DRGX: variants seen among roughly 807,000 people sequenced by gnomAD.
DRGX encodes the protein dorsal root ganglia homeobox.
A neutral mutation model predicts 28.6 loss-of-function variants in DRGX; 21 were observed. That is an observed-to-expected ratio of 0.73 (90% CI 0.52 to 1.06). The LOEUF (loss-of-function observed/expected upper bound fraction) is 1.06. Among genes scored for constraint, DRGX ranks in the 50% least tolerant of loss-of-function variants. The pLI is 0.00. For synonymous variants in DRGX, 136 were observed against 139.1 expected, an observed-to-expected ratio of 0.98 and a Z score of 0.16; for missense variants, 354 against 343.9, an observed-to-expected ratio of 1.03 and a Z score of -0.23.
At chr10:49,367,480 G>A (rs1849613381) in intron 6 of DRGX, among the ~76,000 whole-genome samples, 2 of 152,142 alleles carry the variant, frequency 1.3e-5, no homozygotes, top group South Asian at 4.2e-4. Context: ...GACATACTTA[G>A]TGAGCTGCTT....
rs1849899213 is a variant in DRGX at position 49,391,157 on chromosome 10, T to C, written c.132+7A>G. The C allele has an allele frequency of 6.2e-7, 1 of 1,613,662 alleles. No individual in the cohort carries two copies. Among genetic ancestry groups the C allele is most frequent in the Non-Finnish European group, 8.5e-7 (1 of 1,179,728 alleles). On this transcript the variant is annotated splice_region_variant and intron_variant, in intron 3 of 6. Coordinates refer to ENST00000374139, the MANE Select transcript of DRGX (RefSeq NM_001276451.2). The stretch of plus-strand genomic sequence containing the variant: ...CTGATGTTTGAAAGGAGAATCAACG[T>C]TGGTACCTGCTGAAGAGTGAACGTC...
At chr10:49,389,522 G>T (rs1277865338) in intron 4 of DRGX, among the ~76,000 whole-genome samples, 1 of 152,212 alleles carries the variant, frequency 6.6e-6, no homozygotes, top group African/African-American at 2.4e-5. Context: ...GGGCAGGTTT[G>T]TGTGCCTAAA....
chr10:49,389,359 C>A (rs1369038433), intron 4 of DRGX, among the ~76,000 whole-genome samples: 1 of 152,134 alleles, frequency 6.6e-6, no homozygotes, highest in African/African-American at 2.4e-5. Flanking sequence ...ATAGTCTTAA[C>A]CCCAAGCCCC....
Position 49,364,959 on chromosome 10 carries a change from C to T in DRGX, c.*1157G>A, listed in dbSNP as rs1479656943. The T allele has an allele frequency of 3.3e-5, 5 of 152,212 alleles. No homozygotes were observed. The highest frequency in any genetic ancestry group is 4.8e-5 in the African/African-American group (2 of 41,442). The allele number at this position is 152,212 out of a possible 1,614,324, so 9.4% of individuals were successfully genotyped here. A position where few individuals can be genotyped will look rare whatever the true frequency, so the allele number is the denominator to read the frequency against. On this transcript the variant is annotated 3_prime_UTR_variant, in exon 7 of 7. Transcript: ENST00000374139. ...AAGCGGCAGAGCTTATGCTATTGCA[C>T]GTTCCCCTTGGATCTCCTCTAGGTC...
At chr10:49,374,118 C>G (rs552179077) in intron 6 of DRGX, among the ~76,000 whole-genome samples, 2 of 152,036 alleles carry the variant, frequency 1.3e-5, no homozygotes, top group South Asian at 4.2e-4. Context: ...CTAAACTGAC[C>G]AGGTATTACT....
At chr10:49,381,079 C>A (rs568341697) in intron 6 of DRGX, among the ~76,000 whole-genome samples, 5 of 152,234 alleles carry the variant, frequency 3.3e-5, no homozygotes, top group Admixed American at 1.3e-4. Flanking sequence ...AGAAGAACTA[C>A]GGTTCACACC....
In DRGX at chr10:49,366,043, A is replaced by T. The variant is rs1590358728; in HGVS notation, c.*73T>A. On this transcript the variant is annotated 3_prime_UTR_variant, in exon 7 of 7. Transcript: ENST00000374139. ...GCAGGCTTCTCCTTGCTATTTGGAG[A>T]GTTTTCTGTAGGGGCTGAGGCTGGG... 2.1e-6 allele frequency: 3 copies of T among 1,419,944 alleles called. No individual in the cohort carries two copies. The highest frequency in any genetic ancestry group is 5.7e-5 in the Admixed American group (2 of 35,216). The allele number at this position is 1,419,944 out of a possible 1,614,324, so 88.0% of individuals were successfully genotyped here. A position where few individuals can be genotyped will look rare whatever the true frequency, so the allele number is the denominator to read the frequency against.
At chr10:49,394,080 G>A (rs80003244) in intron 2 of DRGX, among the ~76,000 whole-genome samples, 413 of 152,230 alleles carry the variant, frequency 2.7e-3, no homozygotes, top group Non-Finnish European at 5.1e-3. Flanking sequence ...ATCCCCTAGG[G>A]TACACTGTCA....
chr10:49,380,569 A>G (rs1157872624), intron 6 of DRGX, among the ~76,000 whole-genome samples: 4 of 152,162 alleles, frequency 2.6e-5, no homozygotes, highest in Admixed American at 2.0e-4. Context: ...GAGAGTTTCC[A>G]TAAAATAAAA....
chr10:49,385,280 C>T (rs1054576832), intron 6 of DRGX, among the ~76,000 whole-genome samples: 3 of 152,154 alleles, frequency 2.0e-5, no homozygotes, highest in African/African-American at 4.8e-5. Flanking sequence ...CACCCAGCTG[C>T]CTGGACCACT....
rs1194852181 is a variant in DRGX at position 49,384,054 on chromosome 10, G to T, written c.526+2424C>A. Among the ~76,000 whole-genome samples the T allele has an allele frequency of 3.3e-5, 5 of 152,226 alleles. No individual in the cohort carries two copies. The East Asian group carries it at 9.6e-4, about 29-fold the overall frequency. Reference sequence around the variant, plus strand: ...ACGGCTGCCCTTTGAGTGGGCAAAGGTGCCCCAGCCTGCCTCTGCCCAACC... The same window carrying T: ...ACGGCTGCCCTTTGAGTGGGCAAAGTTGCCCCAGCCTGCCTCTGCCCAACC... On this transcript the variant is annotated intron_variant, in intron 6 of 6. Transcript: ENST00000374139.
At chr10:49,370,452 C>T (rs1005039191) in intron 6 of DRGX, among the ~76,000 whole-genome samples, 3 of 152,354 alleles carry the variant, frequency 2.0e-5, no homozygotes, top group Admixed American at 2.0e-4. Flanking sequence ...GGTGCCGTCG[C>T]TCCCTTTCCT....
Position 49,366,046 on chromosome 10 carries a change from T to G in DRGX, c.*70A>C. On this transcript the variant is annotated 3_prime_UTR_variant, in exon 7 of 7. Coordinates refer to ENST00000374139, the MANE Select transcript of DRGX (RefSeq NM_001276451.2). ...GGCTTCTCCTTGCTATTTGGAGAGT[T>G]TTCTGTAGGGGCTGAGGCTGGGAGA... 6.8e-7 allele frequency: 1 copy of G among 1,477,136 alleles called. No individual in the cohort carries two copies. 91.5% of individuals were successfully genotyped at this position (1,477,136 alleles called of 1,614,324 possible). A position where few individuals can be genotyped will look rare whatever the true frequency, so the allele number is the denominator to read the frequency against.
chr10:49,366,017 C>A lies in DRGX; in HGVS notation c.*99G>T, dbSNP rs536783214. 2 of 1,405,376 alleles carry A rather than the reference C, an allele frequency of 1.4e-6. No homozygotes were observed. The highest frequency in any genetic ancestry group is 2.9e-5 in the African/African-American group (2 of 69,412). 87.1% of individuals were successfully genotyped at this position (1,405,376 alleles called of 1,614,324 possible). A position where few individuals can be genotyped will look rare whatever the true frequency, so the allele number is the denominator to read the frequency against. ...TGGGTCCATGCAGAGGCCCTGGGGC[C>A]GCAGGCTTCTCCTTGCTATTTGGAG... is the stretch of plus-strand genomic sequence containing the variant. On this transcript the variant is annotated 3_prime_UTR_variant, in exon 7 of 7. Transcript: ENST00000374139.
chr10:49,392,337 T>C (rs933419931), intron 2 of DRGX, among the ~76,000 whole-genome samples: 2 of 152,180 alleles, frequency 1.3e-5, no homozygotes, highest in Admixed American at 1.3e-4. Flanking sequence ...GGAAGTTCCT[T>C]TTAGTTATTC....
chr10:49,395,371 G>A, intron 2 of DRGX, 36 bp downstream of exon 2: 1 of 1,547,866 alleles, frequency 6.5e-7, no homozygotes, highest in Non-Finnish European at 8.7e-7. Flanking sequence ...GCCGGCTCTG[G>A]CTTCATGGAG....
intron 6 of DRGX, among the ~76,000 whole-genome samples, chr10:49,380,101 CT>C (rs1363502099): frequency 6.6e-6 from 1 of 152,250 alleles, no homozygotes; most frequent in African/African-American, 2.4e-5. Context: ...AGGCTTACCC[CT>C]CCCACCTGGG....
intron 6 of DRGX, among the ~76,000 whole-genome samples, chr10:49,367,908 G>A (rs994037460): frequency 2.0e-5 from 3 of 152,194 alleles, no homozygotes; most frequent in Admixed American, 6.5e-5. Context: ...AGCCTGGAAG[G>A]CCACCCTGGC....
intron 3 of DRGX, 26 bp from the exon 4 acceptor site, chr10:49,390,260 G>A (rs1467989575): frequency 1.3e-6 from 2 of 1,580,520 alleles, no homozygotes; most frequent in African/African-American, 1.4e-5. Flanking sequence ...AATATGTACT[G>A]GTGAGAGGCT....
Sources: allele counts gnomAD v4.1 joint callset (sites outside exome capture counted in the v4.1 genomes callset), GRCh38; gene constraint gnomAD v4.1.1; transcripts MANE v1.5; gene names NCBI Gene and HGNC (gene_info 2026-07-23, HGNC 2026-07-21).